Variants in CCSER1 observed in about 807,000 individuals in gnomAD.
The protein encoded by CCSER1 is coiled-coil serine rich protein 1.
A neutral mutation model predicts 82.0 loss-of-function variants in CCSER1; 41 were observed. That is an observed-to-expected ratio of 0.50 (90% CI 0.39 to 0.65). The LOEUF (loss-of-function observed/expected upper bound fraction) is 0.65. Among genes scored for constraint, CCSER1 ranks in the 30% least tolerant of loss-of-function variants. The pLI is 0.00. For missense variants in CCSER1, 1,119 were observed against 1,064.2 expected (o/e 1.05, Z -0.72); for synonymous variants, 414 against 383.9 (o/e 1.08, Z -0.92).
At chr4:91,225,287 A>AC (rs1560528284) in intron 10 of CCSER1, among the ~76,000 whole-genome samples, 41 of 42,630 alleles carry the variant, frequency 9.6e-4, no homozygotes, top group African/African-American at 5.6e-3. Context: ...TTATATATGT[A>AC]ATATATATGT....
chr4:90,655,552 T>C (rs577765471), intron 6 of CCSER1, among the ~76,000 whole-genome samples: 3 of 152,130 alleles, frequency 2.0e-5, no homozygotes, highest in East Asian at 3.9e-4. Flanking sequence ...TGGCTCTTGC[T>C]CTCTTTCTCT....
At chr4:91,350,240 C>T (rs1748380089) in intron 10 of CCSER1, among the ~76,000 whole-genome samples, 1 of 152,050 alleles carries the variant, frequency 6.6e-6, no homozygotes, top group Admixed American at 6.5e-5. Flanking sequence ...AAATTTAGAT[C>T]TGAATCTACC....
chr4:90,968,504 A>G (rs540034729), intron 9 of CCSER1, among the ~76,000 whole-genome samples: 1 of 152,014 alleles, frequency 6.6e-6, no homozygotes, highest in African/African-American at 2.4e-5. Context: ...TTCAGAGCAA[A>G]CTGCCCTAGG....
intron 8 of CCSER1, among the ~76,000 whole-genome samples, chr4:90,861,015 G>A (rs1406874559): frequency 6.6e-6 from 1 of 151,524 alleles, no homozygotes; most frequent in African/African-American, 2.4e-5. Context: ...TATTGTATAT[G>A]AATTATAACT....
Position 90,845,527 on chromosome 4 carries a change from C to A in CCSER1, c.2094+29682C>A, listed in dbSNP as rs76605748. On this transcript the variant is annotated intron_variant, in intron 8 of 10. Coordinates refer to ENST00000509176, the MANE Select transcript of CCSER1 (RefSeq NM_001145065.2). ...TAAAATATTGACACTGGCCTTACTG[C>A]CCATCATAATCAAAAGAGTTCCCTG... 2.1e-3 allele frequency among the ~76,000 whole-genome samples: 313 copies of A among 152,096 alleles called. 4 individuals are homozygous for A. The highest frequency in any genetic ancestry group is 7.2e-3 in the African/African-American group (300 of 41,496).
At chr4:90,857,625 T>A (rs1199798136) in intron 8 of CCSER1, among the ~76,000 whole-genome samples, 1 of 152,100 alleles carries the variant, frequency 6.6e-6, no homozygotes, top group Non-Finnish European at 1.5e-5. Flanking sequence ...ATCAGCCACA[T>A]GACATAGATT....
intron 7 of CCSER1, among the ~76,000 whole-genome samples, chr4:90,745,515 A>T (rs1435034042): frequency 6.6e-6 from 1 of 152,052 alleles, no homozygotes; most frequent in South Asian, 2.1e-4. Context: ...TAAGATCAGG[A>T]TTTTATTTCT....
At chr4:91,079,219 A>T (rs757979513) in intron 9 of CCSER1, among the ~76,000 whole-genome samples, 1 of 152,220 alleles carries the variant, frequency 6.6e-6, no homozygotes, top group African/African-American at 2.4e-5. Flanking sequence ...GACTAACAGC[A>T]GATCTCTCAG....
chr4:90,529,340 A>T (rs1397967070), intron 5 of CCSER1, among the ~76,000 whole-genome samples: 4 of 151,946 alleles, frequency 2.6e-5, no homozygotes, highest in African/African-American at 4.8e-5. Flanking sequence ...ACAACCTCTC[A>T]TGCCTCAGCC....
chr4:91,159,033 A>T (rs544312870), intron 10 of CCSER1, among the ~76,000 whole-genome samples: 4 of 151,920 alleles, frequency 2.6e-5, no homozygotes, highest in Non-Finnish European at 4.4e-5. Flanking sequence ...AGCTCGGATC[A>T]TATTTCTCCC....
At chr4:90,932,982 G>GAGAAAGAA (rs765197842) in intron 9 of CCSER1, among the ~76,000 whole-genome samples, 205 of 18,872 alleles carry the variant, frequency 0.011, 24 homozygotes, top group East Asian at 0.027. Flanking sequence ...AAGAAAGAAA[G>GAGAAAGAA]AGAAAGAAAG....
chr4:90,593,881 T>C (rs191977814), intron 5 of CCSER1, among the ~76,000 whole-genome samples: 24 of 152,196 alleles, frequency 1.6e-4, no homozygotes, highest in Non-Finnish European at 2.9e-4. Context: ...GGACCATGTC[T>C]ACCTTGCACA....
At chr4:90,744,321 G>A (rs931847162) in intron 7 of CCSER1, among the ~76,000 whole-genome samples, 36 of 152,082 alleles carry the variant, frequency 2.4e-4, no homozygotes, top group Non-Finnish European at 1.3e-4. Flanking sequence ...GTAAGGTACC[G>A]GAAGTGGTCA....
intron 9 of CCSER1, among the ~76,000 whole-genome samples, chr4:91,044,297 C>T (rs1477467183): frequency 2.0e-5 from 3 of 152,146 alleles, no homozygotes; most frequent in African/African-American, 4.8e-5. Context: ...TAGGTGAAAG[C>T]ATTTGAAATC....
intron 5 of CCSER1, among the ~76,000 whole-genome samples, chr4:90,572,585 A>ATTGTTATTATTATTG (rs1303376106): frequency 6.6e-6 from 1 of 151,430 alleles, no homozygotes; most frequent in Non-Finnish European, 1.5e-5. Context: ...TATTATTATT[A>ATTGTTATTATTATTG]TTATTATTAT....
intron 7 of CCSER1, among the ~76,000 whole-genome samples, chr4:90,743,391 T>C (rs1194070489): frequency 6.6e-6 from 1 of 152,220 alleles, no homozygotes; most frequent in African/African-American, 2.4e-5. Context: ...GGAAATTATC[T>C]GCTTTGAAGC....
intron 8 of CCSER1, among the ~76,000 whole-genome samples, chr4:90,910,971 A>G (rs1340236409): frequency 6.6e-6 from 1 of 152,212 alleles, no homozygotes; most frequent in African/African-American, 2.4e-5. Context: ...TTTAAAAACC[A>G]TGGAATAAAA....
At chr4:91,528,348 TTG>T (rs202071408) in intron 10 of CCSER1, among the ~76,000 whole-genome samples, 1,675 of 152,306 alleles carry the variant, frequency 0.011, 12 homozygotes, top group African/African-American at 0.022. Flanking sequence ...AAATGCAGTT[TTG>T]TTATTTATTC....
At chr4:90,409,654 T>C (rs181811097) in intron 4 of CCSER1, among the ~76,000 whole-genome samples, 288 of 152,130 alleles carry the variant, frequency 1.9e-3, no homozygotes, top group African/African-American at 6.1e-3. Context: ...AAGGAACAAC[T>C]GGTACCAGCC....
Sources: gnomAD v4.1 joint callset for allele counts (sites outside exome capture counted in the v4.1 genomes callset) on GRCh38, gnomAD v4.1.1 for gene constraint, MANE v1.5 for transcripts, NCBI Gene and HGNC (gene_info 2026-07-23, HGNC 2026-07-21) for gene names.